Variants in REPS2 observed in about 807,000 individuals in gnomAD.
REPS2 encodes RALBP1 associated Eps domain containing 2, also known as ralBP1-associated Eps domain-containing protein 2.
A neutral mutation model predicts 53.6 loss-of-function variants in REPS2; 23 were observed. That is an observed-to-expected ratio of 0.43 (90% confidence interval 0.31 to 0.61). REPS2 has a LOEUF of 0.61. Ranked by LOEUF, REPS2 falls within the 20% of genes least tolerant of loss-of-function variation. REPS2 has a pLI of 0.11. For synonymous variants in REPS2, 238 were observed against 218.6 expected (o/e 1.09, Z -0.78); for missense variants, 446 against 534.9 (o/e 0.83, Z 1.64).
intron 8 of REPS2, among the ~76,000 whole-genome samples, chrX:17,059,324 A>G (rs769984276): frequency 9.6e-6 from 1 of 104,123 alleles, no homozygotes; most frequent in South Asian, 4.4e-4. Context: ...TTTAAAGCTT[A>G]ACTCTTACCT....
At chrX:17,076,574 G>A (rs1213124271) in intron 12 of REPS2, among the ~76,000 whole-genome samples, 1 of 112,040 alleles carries the variant, frequency 8.9e-6, no homozygotes, top group East Asian at 2.8e-4. Flanking sequence ...AGTTTGAATC[G>A]AACTGTGTAA....
chrX:17,058,272 T>C (rs766650970), intron 8 of REPS2, among the ~76,000 whole-genome samples: 20 of 110,184 alleles, frequency 1.8e-4, no homozygotes, highest in African/African-American at 5.6e-4. Flanking sequence ...CTGGCCAACA[T>C]GGTGAAACCC....
At chrX:16,951,557 A>ACCCCCCC (rs1432722996) in intron 1 of REPS2, among the ~76,000 whole-genome samples, 1 of 22,177 alleles carries the variant, frequency 4.5e-5, no homozygotes, top group Non-Finnish European at 1.3e-4. Context: ...ACACACACAC[A>ACCCCCCC]CACCCCCGCT....
chrX:17,132,369 G>A (rs893325430), intron 14 of REPS2, among the ~76,000 whole-genome samples: 55 of 111,549 alleles, frequency 4.9e-4, no homozygotes, highest in Middle Eastern at 4.7e-3. Flanking sequence ...AGAGGGAGAG[G>A]GGGAAATAAA....
At chrX:17,055,047 C>T in intron 8 of REPS2, 97 bp downstream of exon 8, 1 of 846,435 alleles carries the variant, frequency 1.2e-6, no homozygotes, top group Non-Finnish European at 1.6e-6. Context: ...GCCATTCTAA[C>T]TGGTGTGAGA....
At chrX:16,975,064 G>T (rs928536581) in intron 1 of REPS2, among the ~76,000 whole-genome samples, 22 of 111,911 alleles carry the variant, frequency 2.0e-4, no homozygotes, top group South Asian at 7.5e-4. Context: ...TTTTATGGTT[G>T]TGTAGTATTC....
intron 14 of REPS2, among the ~76,000 whole-genome samples, chrX:17,122,343 T>C (rs775786741): frequency 4.4e-5 from 5 of 112,441 alleles, no homozygotes; most frequent in Admixed American, 9.4e-5. Context: ...TATTAAATGA[T>C]GTTTGTGTGA....
chrX:17,051,752 C>G (rs1215625774), intron 6 of REPS2, among the ~76,000 whole-genome samples: 1 of 112,242 alleles, frequency 8.9e-6, no homozygotes, highest in East Asian at 2.8e-4. Flanking sequence ...TGAAAGCATT[C>G]AAATTCAATC....
intron 1 of REPS2, among the ~76,000 whole-genome samples, chrX:16,957,119 G>A (rs2060606488): frequency 8.9e-6 from 1 of 112,347 alleles, no homozygotes; most frequent in South Asian, 3.7e-4. Context: ...ATTAAGAATT[G>A]TTGTTTTTGG....
At chrX:17,178,806 A>C in the REPS2 span, among the ~76,000 whole-genome samples, 1 of 110,253 alleles carries the variant, frequency 9.1e-6, no homozygotes, top group African/African-American at 3.3e-5. Context: ...CGTCGGAGGC[A>C]GGAGAATTGC....
chrX:17,041,008 C>T (rs2147893472), intron 5 of REPS2, among the ~76,000 whole-genome samples: 1 of 111,665 alleles, frequency 9.0e-6, no homozygotes, highest in South Asian at 3.7e-4. Context: ...AAATAGGCCC[C>T]ACATTTTAAT....
chrX:17,097,562 G>A (rs991659010), intron 13 of REPS2, among the ~76,000 whole-genome samples: 5 of 111,952 alleles, frequency 4.5e-5, no homozygotes, highest in African/African-American at 1.6e-4. Context: ...TATGCCCAAA[G>A]AAAGTAAATG....
intron 14 of REPS2, among the ~76,000 whole-genome samples, chrX:17,108,268 G>A (rs186008430): frequency 2.8e-5 from 3 of 108,681 alleles, no homozygotes; most frequent in Admixed American, 9.9e-5. Context: ...CCACCTCCCC[G>A]GTTCAAGCGA....
At chrX:17,094,593 A>G (rs1182781916) in intron 13 of REPS2, among the ~76,000 whole-genome samples, 1 of 110,967 alleles carries the variant, frequency 9.0e-6, no homozygotes, top group African/African-American at 3.3e-5. Context: ...CTACTACCCT[A>G]TTTTCTGGAA....
chrX:17,168,868 A>T, the REPS2 span, among the ~76,000 whole-genome samples: 4 of 112,131 alleles, frequency 3.6e-5, no homozygotes, highest in Non-Finnish European at 7.5e-5. Flanking sequence ...AAGATATGGA[A>T]TCTGTTCTCT....
At position 17,074,007 on chromosome X, in the gene REPS2, C is replaced by T. The variant is rs1350861727; in HGVS notation, c.1334-107C>T. On this transcript the variant is annotated intron_variant, in intron 11 of 17. Coordinates refer to ENST00000357277, the MANE Select transcript of REPS2 (RefSeq NM_004726.3). ...GGAGCCGTCCAGTTCTCCACATGGG[C>T]ACTTTTACCTCACATTTACCTGTTG... 1.1e-5 allele frequency: 6 copies of T among 548,592 alleles called. No individual in the cohort carries two copies. In the East Asian group the frequency reaches 1.5e-4, roughly 14 times the overall value. The allele number at this position is 548,592 out of a possible 1,213,427, so 45.2% of individuals were successfully genotyped here.
At chrX:17,024,183 G>A (rs916489702) in intron 3 of REPS2, among the ~76,000 whole-genome samples, 2 of 108,607 alleles carry the variant, frequency 1.8e-5, no homozygotes, top group Non-Finnish European at 3.8e-5. Flanking sequence ...GCTACTGGGG[G>A]TGCTGAGGTG....
chrX:17,030,755 G>T (rs1300578264), intron 5 of REPS2, among the ~76,000 whole-genome samples: 1 of 112,314 alleles, frequency 8.9e-6, no homozygotes, highest in African/African-American at 3.2e-5. Flanking sequence ...GGTTGAGAGA[G>T]GTCAAATAGC....
chrX:16,989,534 C>T (rs983925520), intron 1 of REPS2, among the ~76,000 whole-genome samples: 1 of 111,610 alleles, frequency 9.0e-6, no homozygotes, highest in Non-Finnish European at 1.9e-5. Context: ...TTGCAAACTA[C>T]GTATCCGACA....
Sources: allele counts gnomAD v4.1 joint callset (sites outside exome capture counted in the v4.1 genomes callset), GRCh38; gene constraint gnomAD v4.1.1; transcripts MANE v1.5; gene names NCBI Gene and HGNC (gene_info 2026-07-23, HGNC 2026-07-21).